The following GPHN variants were observed in gnomAD, a reference collection of about 807,000 sequenced individuals.
GPHN encodes the protein gephyrin.
Under a neutral mutation model 95.5 loss-of-function variants are expected in GPHN, and 17 were observed. The ratio of observed to expected loss-of-function variants is 0.18; its 90% CI spans 0.12 to 0.27. GPHN has a LOEUF of 0.27. GPHN is among the 10% of genes least tolerant of loss of function. The pLI is 1.00. For synonymous variants in GPHN, 320 were observed against 322.5 expected, an observed-to-expected ratio of 0.99 and a Z score of 0.08; for missense variants, 660 against 978.1, an observed-to-expected ratio of 0.67 and a Z score of 4.34.
At chr14:66,847,262 A>G (rs1474875079) in intron 4 of GPHN, among the ~76,000 whole-genome samples, 2 of 152,194 alleles carry the variant, frequency 1.3e-5, no homozygotes, top group Admixed American at 1.3e-4. Context: ...TTTCTTAGCA[A>G]TAATGAACAA....
the GPHN span, among the ~76,000 whole-genome samples, chr14:67,720,498 T>C: frequency 2.0e-5 from 3 of 152,244 alleles, no homozygotes; most frequent in African/African-American, 7.2e-5. Context: ...TTTGAGGTAT[T>C]CGAATTTTGG....
the GPHN span, among the ~76,000 whole-genome samples, chr14:67,547,648 G>A: frequency 6.6e-6 from 1 of 152,298 alleles, no homozygotes; most frequent in Admixed American, 6.5e-5. Context: ...CCTGTAGGGT[G>A]AGCAAAGCCT....
At chr14:67,542,033 G>A in the GPHN span, 1 of 1,554,590 alleles carries the variant, frequency 6.4e-7, no homozygotes, top group South Asian at 1.2e-5. Context: ...TCCACACGCA[G>A]AGGTTTATGG....
At chr14:67,360,106 CTT>C in the GPHN span, 3 of 422,702 alleles carry the variant, frequency 7.1e-6, no homozygotes, top group African/African-American at 4.1e-5. Context: ...TTAGCTGAAA[CTT>C]TGAAAGAGGA....
chr14:66,609,186 A>G (rs538854745), intron 1 of GPHN, among the ~76,000 whole-genome samples: 1 of 152,206 alleles, frequency 6.6e-6, no homozygotes, highest in African/African-American at 2.4e-5. Context: ...AGTGGTTACA[A>G]ATTCTTAGCA....
At chr14:67,460,112 A>G in the GPHN span, among the ~76,000 whole-genome samples, 1 of 152,218 alleles carries the variant, frequency 6.6e-6, no homozygotes, top group Non-Finnish European at 1.5e-5. Flanking sequence ...ACATACACTT[A>G]GAAAGACAAG....
At chr14:67,496,918 G>A in the GPHN span, among the ~76,000 whole-genome samples, 10 of 151,740 alleles carry the variant, frequency 6.6e-5, no homozygotes, top group South Asian at 2.1e-4. Flanking sequence ...CTGCCTCAGC[G>A]TCCTGAGTAG....
At chr14:67,140,371 C>G (rs950539586) in intron 17 of GPHN, among the ~76,000 whole-genome samples, 6 of 137,114 alleles carry the variant, frequency 4.4e-5, no homozygotes, top group Non-Finnish European at 9.1e-5. Context: ...GCAACAAGAG[C>G]AAGACTCCAT....
At chr14:67,620,617 G>A in the GPHN span, among the ~76,000 whole-genome samples, 4 of 152,114 alleles carry the variant, frequency 2.6e-5, no homozygotes, top group African/African-American at 9.7e-5. Context: ...ACCTGCAGTC[G>A]GGAGCGCTCA....
the GPHN span, chr14:67,381,569 A>G: frequency 1.9e-6 from 3 of 1,593,398 alleles, no homozygotes; most frequent in African/African-American, 2.7e-5. Flanking sequence ...TTTTTTATCA[A>G]CTTTTGAATT....
chr14:67,568,760 C>A, the GPHN span, among the ~76,000 whole-genome samples: 1 of 152,070 alleles, frequency 6.6e-6, no homozygotes, highest in Non-Finnish European at 1.5e-5. Flanking sequence ...TCTTGAGACC[C>A]AAGGGTCTCT....
chr14:67,036,688 A>G (rs2074442561), intron 10 of GPHN, among the ~76,000 whole-genome samples: 1 of 151,950 alleles, frequency 6.6e-6, no homozygotes, highest in Non-Finnish European at 1.5e-5. Flanking sequence ...CCCATTTACA[A>G]TAGCATCAGA....
Position 67,070,290 on chromosome 14 carries a change from T to TTG in GPHN, c.1144+11516_1144+11517dup, listed in dbSNP as rs550942899. On this transcript the variant is annotated intron_variant, in intron 11 of 22. Transcript: ENST00000478722. ...GACATATATGTGTGTATATATATGT[T>TTG]TGTGTGTGTGTGTATATATATATAC... Among the ~76,000 whole-genome samples the TTG allele has an allele frequency of 5.8e-4, 86 of 148,526 alleles. 1 individual carries two copies. The South Asian group carries it at 9.7e-3, about 17-fold the overall frequency.
At chr14:67,690,201 T>C in the GPHN span, 1 of 1,610,994 alleles carries the variant, frequency 6.2e-7, no homozygotes, top group Non-Finnish European at 8.5e-7. Flanking sequence ...ATTCATTTCC[T>C]CTAGGCCCAC....
intron 8 of GPHN, among the ~76,000 whole-genome samples, chr14:66,933,146 C>T (rs1368116980): frequency 1.3e-5 from 2 of 152,152 alleles, no homozygotes; most frequent in African/African-American, 4.8e-5. Flanking sequence ...TGACAAATGA[C>T]AGTTAACAAC....
intron 8 of GPHN, among the ~76,000 whole-genome samples, chr14:66,939,625 T>G (rs2067305476): frequency 6.6e-6 from 1 of 152,034 alleles, no homozygotes; most frequent in African/African-American, 2.4e-5. Context: ...TTCCCGTAAC[T>G]CCACCCCATC....
At chr14:67,600,142 TAGCGGCGC>T in the GPHN span, 1 of 1,593,986 alleles carries the variant, frequency 6.3e-7, no homozygotes, top group East Asian at 2.3e-5. Flanking sequence ...CGGGGAGTAG[TAGCGGCGC>T]TGCAGCGCCA....
chr14:66,621,398 A>G (rs1176053292), intron 1 of GPHN, among the ~76,000 whole-genome samples: 1 of 147,964 alleles, frequency 6.8e-6, no homozygotes, highest in Non-Finnish European at 1.5e-5. Context: ...TACAGATGTG[A>G]GCCACAGTGC....
At chr14:67,129,875 G>T (rs566019913) in intron 17 of GPHN, among the ~76,000 whole-genome samples, 1 of 151,650 alleles carries the variant, frequency 6.6e-6, no homozygotes, top group East Asian at 1.9e-4. Flanking sequence ...AGGGAGGAAG[G>T]CAGGAAGAAA....
Sources: allele counts gnomAD v4.1 joint callset (sites outside exome capture counted in the v4.1 genomes callset), GRCh38; gene constraint gnomAD v4.1.1; transcripts MANE v1.5; gene names NCBI Gene and HGNC (gene_info 2026-07-23, HGNC 2026-07-21).